SGF29: variants seen among roughly 807,000 people sequenced by gnomAD.
The protein encoded by SGF29 is SAGA complex associated factor 29, also known as SAGA-associated factor 29.
A neutral mutation model predicts 38.1 loss-of-function variants in SGF29; 15 were observed. The ratio of observed to expected loss-of-function variants is 0.39; its 90% confidence interval spans 0.26 to 0.61. The LOEUF (loss-of-function observed/expected upper bound fraction) is 0.61. Ranked by LOEUF, SGF29 falls within the 20% of genes least tolerant of loss-of-function variation. SGF29 has a pLI of 0.49. For missense variants in SGF29, 184 were observed against 394.6 expected (o/e 0.47, Z 4.52); for synonymous variants, 151 against 160.8 (o/e 0.94, Z 0.46).
chr16:28,556,369 G>A (rs903439018), intron 1 of SGF29, among the ~76,000 whole-genome samples: 4 of 151,662 alleles, frequency 2.6e-5, no homozygotes, highest in East Asian at 1.9e-4. Flanking sequence ...GTTTTGAGAC[G>A]GAGTTTCACT....
At chr16:28,586,045 T>G (rs1337032412) in intron 4 of SGF29, among the ~76,000 whole-genome samples, 2 of 152,124 alleles carry the variant, frequency 1.3e-5, no homozygotes, top group African/African-American at 4.8e-5. Flanking sequence ...ACAGAGGTGA[T>G]TGGGAGGCCG....
At chr16:28,562,903 CAAAAAAAAAA>C (rs753973229) in intron 1 of SGF29, among the ~76,000 whole-genome samples, 4 of 50,892 alleles carry the variant, frequency 7.9e-5, no homozygotes, top group African/African-American at 3.0e-4. Context: ...GACCCTGTCT[CAAAAAAAAAA>C]AAAAAAAAAA....
rs371817603 is a variant in SGF29 at position 28,564,634 on chromosome 16, C to T, written c.-16+10537C>T. On this transcript the variant is annotated intron_variant, in intron 1 of 9. Transcript: ENST00000317058. ...ATATATACATATATGCATATATATA[C>T]GTATATATGTGTATATATACGTATA... 4.3e-4 allele frequency among the ~76,000 whole-genome samples: 37 copies of T among 86,570 alleles called. 1 individual carries two copies. The highest frequency in any genetic ancestry group is 7.4e-4 in the Non-Finnish European group (31 of 41,864). The allele number at this position is 86,570 out of a possible 152,430, so 56.8% of individuals were successfully genotyped here.
chr16:28,580,939 C>T, intron 1 of SGF29, 116 bp from the exon 2 acceptor site: 2 of 784,124 alleles, frequency 2.6e-6, no homozygotes, highest in Admixed American at 2.3e-5. Flanking sequence ...CCTTGGCCTC[C>T]CAAAGTGCTG....
At chr16:28,583,388 C>T (rs559605048) in intron 2 of SGF29, among the ~76,000 whole-genome samples, 2 of 152,292 alleles carry the variant, frequency 1.3e-5, no homozygotes, top group Non-Finnish European at 2.9e-5. Flanking sequence ...AAGTATCCCC[C>T]CCCAACCCCA....
At chr16:28,561,290 T>C (rs1456693943) in intron 1 of SGF29, among the ~76,000 whole-genome samples, 5 of 152,020 alleles carry the variant, frequency 3.3e-5, no homozygotes, top group Admixed American at 1.3e-4. Context: ...CAGTACTTTT[T>C]GGGAGGCTGA....
intron 4 of SGF29, among the ~76,000 whole-genome samples, chr16:28,585,952 G>A (rs746066058): frequency 6.6e-6 from 1 of 152,224 alleles, no homozygotes; most frequent in Admixed American, 6.5e-5. Flanking sequence ...CAACACTGCC[G>A]TTTACTGGCT....
At chr16:28,555,054 T>C (rs168684) in intron 1 of SGF29, among the ~76,000 whole-genome samples, 150,022 of 152,352 alleles carry the variant, frequency 0.98, 73,920 homozygotes, top group Middle Eastern at 1. Context: ...AACAGTGGTG[T>C]TATTACAGCT....
intron 1 of SGF29, among the ~76,000 whole-genome samples, chr16:28,563,715 C>CTTTTTTTT (rs11445174): frequency 4.9e-5 from 4 of 80,826 alleles, no homozygotes; most frequent in Non-Finnish European, 2.4e-5. Flanking sequence ...GAGAAACAGA[C>CTTTTTTTT]TTTTTTTTTT....
At chr16:28,563,124 C>T (rs923348109) in intron 1 of SGF29, among the ~76,000 whole-genome samples, 1 of 151,720 alleles carries the variant, frequency 6.6e-6, no homozygotes, top group African/African-American at 2.4e-5. Flanking sequence ...TTTTCTTTCA[C>T]CTTAATTAGG....
chr16:28,556,801 G>A (rs1225979220), intron 1 of SGF29, among the ~76,000 whole-genome samples: 1 of 152,044 alleles, frequency 6.6e-6, no homozygotes, highest in African/African-American at 2.4e-5. Flanking sequence ...GCACCACCCT[G>A]CCCAGCTAAT....
At chr16:28,564,605 G>GTA (rs1229937671) in intron 1 of SGF29, among the ~76,000 whole-genome samples, 23 of 107,852 alleles carry the variant, frequency 2.1e-4, no homozygotes, top group African/African-American at 7.3e-4. Context: ...ACATATATGT[G>GTA]TATATATATA....
intron 1 of SGF29, among the ~76,000 whole-genome samples, chr16:28,579,407 A>G (rs1391981619): frequency 6.6e-6 from 1 of 150,790 alleles, no homozygotes; most frequent in Non-Finnish European, 1.5e-5. Flanking sequence ...ACAGGTGCCC[A>G]CCACCATGCC....
chr16:28,572,961 G>A (rs957711721), intron 1 of SGF29, among the ~76,000 whole-genome samples: 2 of 151,840 alleles, frequency 1.3e-5, no homozygotes, highest in Non-Finnish European at 2.9e-5. Flanking sequence ...CTTGCTCGCT[G>A]GCCTCCCAGC....
At chr16:28,589,572 A>G (rs1335277781) in intron 5 of SGF29, among the ~76,000 whole-genome samples, 2 of 152,214 alleles carry the variant, frequency 1.3e-5, no homozygotes, top group South Asian at 2.1e-4. Flanking sequence ...CCTCCCAACA[A>G]TCCCATGGTG....
At chr16:28,585,552 T>C (rs2046951678) in intron 3 of SGF29, 96 bp from the exon 4 acceptor site, 3 of 1,135,262 alleles carry the variant, frequency 2.6e-6, no homozygotes, top group East Asian at 4.8e-5. Flanking sequence ...ACGGCCTCTC[T>C]GTGCCTCCAC....
intron 4 of SGF29, chr16:28,588,563 C>T: frequency 2.4e-6 from 1 of 425,380 alleles, no homozygotes; most frequent in Non-Finnish European, 4.6e-6. Flanking sequence ...TGAAGATTTC[C>T]AGTTTTCTTT....
intron 1 of SGF29, among the ~76,000 whole-genome samples, chr16:28,570,183 C>T (rs1183174298): frequency 1.3e-5 from 2 of 152,244 alleles, no homozygotes; most frequent in Non-Finnish European, 2.9e-5. Flanking sequence ...CAAGTGAGGG[C>T]TGTTGCATGG....
chr16:28,581,214 G>A, intron 2 of SGF29, 70 bp downstream of exon 2: 1 of 1,431,958 alleles, frequency 7.0e-7, no homozygotes, highest in Middle Eastern at 1.7e-4. Flanking sequence ...AAGTGGGGGT[G>A]GCATTTGTGT....
Sources: gnomAD v4.1 joint callset for allele counts (sites outside exome capture counted in the v4.1 genomes callset) on GRCh38, gnomAD v4.1.1 for gene constraint, MANE v1.5 for transcripts, NCBI Gene and HGNC (gene_info 2026-07-23, HGNC 2026-07-21) for gene names.